Variants in UBE2E2 observed in about 807,000 individuals in gnomAD.
The protein encoded by UBE2E2 is ubiquitin-conjugating enzyme E2 E2.
UBE2E2 carries 6 observed loss-of-function variants against 24.7 expected under a neutral mutation model. The ratio of observed to expected loss-of-function variants is 0.24; its 90% CI spans 0.13 to 0.48. The LOEUF (loss-of-function observed/expected upper bound fraction) is 0.48. Among genes scored for constraint, UBE2E2 ranks in the 20% least tolerant of loss-of-function variants. The pLI, the probability that UBE2E2 is intolerant of heterozygous loss-of-function variation, is 0.99. For synonymous variants in UBE2E2, 104 were observed against 83.6 expected (o/e 1.24, Z -1.33); for missense variants, 169 against 245.0 (o/e 0.69, Z 2.07).
At chr3:23,349,008 C>G (rs536125754) in intron 3 of UBE2E2, among the ~76,000 whole-genome samples, 8 of 152,136 alleles carry the variant, frequency 5.3e-5, no homozygotes, top group Non-Finnish European at 8.8e-5. Context: ...ACCACCTCCC[C>G]GCAGGAGTTG....
At chr3:23,325,261 A>C (rs985425120) in intron 3 of UBE2E2, among the ~76,000 whole-genome samples, 5 of 152,178 alleles carry the variant, frequency 3.3e-5, no homozygotes, top group African/African-American at 9.6e-5. Flanking sequence ...TTTAATAATA[A>C]AATGTGTTTT....
chr3:23,370,996 T>C (rs894168953), intron 3 of UBE2E2, among the ~76,000 whole-genome samples: 24 of 152,152 alleles, frequency 1.6e-4, no homozygotes, highest in African/African-American at 5.8e-4. Flanking sequence ...TAATAAATAA[T>C]AGAATCTATA....
At chr3:23,561,338 C>G (rs1695924621) in intron 5 of UBE2E2, among the ~76,000 whole-genome samples, 1 of 152,138 alleles carries the variant, frequency 6.6e-6, no homozygotes, top group African/African-American at 2.4e-5. Flanking sequence ...AATCCTTTCC[C>G]CATTTCTTGT....
chr3:23,386,918 C>CTG (rs1305194409), intron 3 of UBE2E2, among the ~76,000 whole-genome samples: 1 of 152,148 alleles, frequency 6.6e-6, no homozygotes, highest in African/African-American at 2.4e-5. Flanking sequence ...AATACAATTC[C>CTG]TGTTAATAGT....
At chr3:23,572,293 A>G (rs373299138) in intron 5 of UBE2E2, among the ~76,000 whole-genome samples, 35 of 152,242 alleles carry the variant, frequency 2.3e-4, no homozygotes, top group African/African-American at 7.0e-4. Flanking sequence ...TCCAAACTAC[A>G]AAAACCCAAC....
At chr3:23,435,733 C>G (rs1000872245) in intron 3 of UBE2E2, among the ~76,000 whole-genome samples, 2 of 152,120 alleles carry the variant, frequency 1.3e-5, no homozygotes, top group Non-Finnish European at 2.9e-5. Flanking sequence ...ACCTACTATT[C>G]AAGGATAAGG....
chr3:23,503,961 A>G (rs1694368453), intron 4 of UBE2E2, among the ~76,000 whole-genome samples: 1 of 152,190 alleles, frequency 6.6e-6, no homozygotes, highest in South Asian at 2.1e-4. Context: ...TTTGCAGCCT[A>G]CATATTTGTT....
chr3:23,207,681 G>C (rs1285935194), intron 1 of UBE2E2, among the ~76,000 whole-genome samples: 1 of 152,188 alleles, frequency 6.6e-6, no homozygotes, highest in Non-Finnish European at 1.5e-5. Flanking sequence ...GTTCCCACAA[G>C]TATTTGTACT....
chr3:23,403,808 C>CAAAA (rs375422962), intron 3 of UBE2E2, among the ~76,000 whole-genome samples: 1 of 82,196 alleles, frequency 1.2e-5, no homozygotes, highest in Non-Finnish European at 2.7e-5. Context: ...ATTCCGTCTC[C>CAAAA]AAAAAAAAAA....
intron 3 of UBE2E2, among the ~76,000 whole-genome samples, chr3:23,396,798 GTTA>G (rs1697090359): frequency 6.6e-6 from 1 of 152,084 alleles, no homozygotes; most frequent in Admixed American, 6.6e-5. Flanking sequence ...AATAAATGTT[GTTA>G]TTCTTCTTAA....
intron 4 of UBE2E2, among the ~76,000 whole-genome samples, chr3:23,506,390 G>C (rs1694457710): frequency 6.6e-6 from 1 of 152,150 alleles, no homozygotes. Flanking sequence ...CCATATCAAT[G>C]AATGTCAGGT....
At chr3:23,325,497 A>G (rs1694860690) in intron 3 of UBE2E2, among the ~76,000 whole-genome samples, 1 of 152,194 alleles carries the variant, frequency 6.6e-6, no homozygotes, top group African/African-American at 2.4e-5. Flanking sequence ...CCTTTAGTAT[A>G]CAGAAAACAT....
At chr3:23,524,874 AC>A (rs879876646) in intron 4 of UBE2E2, among the ~76,000 whole-genome samples, 31 of 151,748 alleles carry the variant, frequency 2.0e-4, no homozygotes, top group Middle Eastern at 3.4e-3. Flanking sequence ...AGACACACAC[AC>A]ACACACACAC....
At chr3:23,541,429 G>A (rs1463836) in intron 5 of UBE2E2, among the ~76,000 whole-genome samples, 45,757 of 151,946 alleles carry the variant, frequency 0.3, 7,492 homozygotes, top group East Asian at 0.51. Context: ...TTGTTCTTTA[G>A]TAGATCCTGG....
chr3:23,232,132 A>G (rs1575489680), intron 3 of UBE2E2, among the ~76,000 whole-genome samples: 1 of 152,166 alleles, frequency 6.6e-6, no homozygotes, highest in African/African-American at 2.4e-5. Context: ...GTAAGGTTAA[A>G]CCCTCTAATC....
At chr3:23,402,660 G>T (rs1475321001) in intron 3 of UBE2E2, among the ~76,000 whole-genome samples, 1 of 152,138 alleles carries the variant, frequency 6.6e-6, no homozygotes, top group African/African-American at 2.4e-5. Flanking sequence ...TTGTCTCTAG[G>T]TATATGGTTG....
At chr3:23,372,389 T>A (rs973701786) in intron 3 of UBE2E2, among the ~76,000 whole-genome samples, 1 of 152,248 alleles carries the variant, frequency 6.6e-6, no homozygotes, top group Admixed American at 6.5e-5. Context: ...ATTTCACTTA[T>A]AACTGTCATG....
At chr3:23,382,485 C>A (rs1398911154) in intron 3 of UBE2E2, among the ~76,000 whole-genome samples, 2 of 152,128 alleles carry the variant, frequency 1.3e-5, no homozygotes, top group Admixed American at 1.3e-4. Flanking sequence ...CCCGGCCTTA[C>A]TTTAAAATCT....
At chr3:23,488,353 G>T (rs146253602) in intron 3 of UBE2E2, among the ~76,000 whole-genome samples, 1 of 151,828 alleles carries the variant, frequency 6.6e-6, no homozygotes, top group African/African-American at 2.4e-5. Context: ...TTATTCCTCC[G>T]CTAAGCCCCC....
Sources: allele counts gnomAD v4.1 joint callset (sites outside exome capture counted in the v4.1 genomes callset), GRCh38; gene constraint gnomAD v4.1.1; transcripts MANE v1.5; gene names NCBI Gene and HGNC (gene_info 2026-07-23, HGNC 2026-07-21).